MAML2: variants seen among roughly 807,000 people sequenced by gnomAD.
The protein encoded by MAML2 is mastermind-like protein 2.
Under a neutral mutation model 96.1 loss-of-function variants are expected in MAML2, and 22 were observed. That is an observed-to-expected ratio of 0.23 (90% confidence interval 0.16 to 0.33). MAML2 has a LOEUF of 0.33. MAML2 is among the 10% of genes least tolerant of loss of function. The pLI is 1.00. For synonymous variants in MAML2, 561 were observed against 521.3 expected (o/e 1.08, Z -1.04); for missense variants, 1,367 against 1,392.4 (o/e 0.98, Z 0.29).
chr11:96,276,717 G>T (rs189258233), intron 1 of MAML2, among the ~76,000 whole-genome samples: 116 of 143,750 alleles, frequency 8.1e-4, no homozygotes, highest in African/African-American at 2.9e-3. Flanking sequence ...AGTGGCTTGC[G>T]AAAAGGCTAC....
chr11:96,223,821 T>C (rs1048161273), intron 1 of MAML2, among the ~76,000 whole-genome samples: 1 of 152,190 alleles, frequency 6.6e-6, no homozygotes, highest in African/African-American at 2.4e-5. Flanking sequence ...ACAACACAAT[T>C]GGGTTTTTTC....
At chr11:96,018,104 G>A (rs1424503099) in intron 2 of MAML2, among the ~76,000 whole-genome samples, 1 of 152,204 alleles carries the variant, frequency 6.6e-6, no homozygotes, top group Non-Finnish European at 1.5e-5. Context: ...ATTCCACATA[G>A]TCTCTGACGG....
chr11:96,288,735 C>T (rs1863172850), intron 1 of MAML2, among the ~76,000 whole-genome samples: 1 of 152,118 alleles, frequency 6.6e-6, no homozygotes, highest in Non-Finnish European at 1.5e-5. Flanking sequence ...GGCATTCAAA[C>T]ACTTGTGTAT....
chr11:96,158,882 G>A (rs1213541628), intron 1 of MAML2, among the ~76,000 whole-genome samples: 10 of 152,202 alleles, frequency 6.6e-5, no homozygotes, highest in Non-Finnish European at 1.3e-4. Flanking sequence ...ATCTTTGGGA[G>A]AAATGGTAAA....
At chr11:96,080,448 C>T (rs949411304) in intron 2 of MAML2, among the ~76,000 whole-genome samples, 2 of 152,094 alleles carry the variant, frequency 1.3e-5, no homozygotes, top group Non-Finnish European at 2.9e-5. Flanking sequence ...AAAGGTAAGA[C>T]TCAAATTTAA....
At chr11:96,310,369 C>T (rs1222996543) in intron 1 of MAML2, among the ~76,000 whole-genome samples, 2 of 152,110 alleles carry the variant, frequency 1.3e-5, no homozygotes, top group African/African-American at 4.8e-5. Flanking sequence ...ATTTCATCAA[C>T]ATTATTACCT....
At chr11:96,029,768 G>A (rs1341503373) in intron 2 of MAML2, among the ~76,000 whole-genome samples, 1 of 152,112 alleles carries the variant, frequency 6.6e-6, no homozygotes, top group Non-Finnish European at 1.5e-5. Flanking sequence ...ATTTAGTGGT[G>A]AGGTTTCAGG....
At chr11:96,298,808 TGAG>T (rs1161264214) in intron 1 of MAML2, among the ~76,000 whole-genome samples, 1 of 146,976 alleles carries the variant, frequency 6.8e-6, no homozygotes, top group Non-Finnish European at 1.5e-5. Context: ...TTTGGGAGGC[TGAG>T]GAGGGTGGAT....
At chr11:96,101,300 A>G (rs1003660647) in intron 1 of MAML2, among the ~76,000 whole-genome samples, 42 of 152,334 alleles carry the variant, frequency 2.8e-4, no homozygotes, top group Middle Eastern at 3.4e-3. Context: ...TACAGGGCAG[A>G]AAAAAGGCAT....
chr11:96,000,694 A>C (rs965162195), intron 2 of MAML2, among the ~76,000 whole-genome samples: 1 of 152,200 alleles, frequency 6.6e-6, no homozygotes, highest in Non-Finnish European at 1.5e-5. Context: ...GAACTAAAAA[A>C]CAACTTACAG....
rs1862683453 is a variant in MAML2, at chr11:96,257,414, T to C, written c.513+83969A>G. 1.3e-5 allele frequency among the ~76,000 whole-genome samples: 2 copies of C among 152,258 alleles called. 1 individual carries two copies. Among genetic ancestry groups the C allele is most frequent in the South Asian group, 4.1e-4 (2 of 4,836 alleles). ...CTGAGCACAGTGCTGGCACAGAATA[T>C]GAACTCACTATATCTTGTTACTATA... On this transcript the variant is annotated intron_variant, in intron 1 of 4. Transcript: ENST00000524717.
chr11:96,023,412 C>T (rs926134031), intron 2 of MAML2, among the ~76,000 whole-genome samples: 1 of 152,182 alleles, frequency 6.6e-6, no homozygotes, highest in Non-Finnish European at 1.5e-5. Flanking sequence ...GCCTTACCGC[C>T]TCGCTTTTCA....
intron 1 of MAML2, among the ~76,000 whole-genome samples, chr11:96,248,019 C>T (rs957352587): frequency 9.2e-5 from 14 of 151,778 alleles, no homozygotes; most frequent in African/African-American, 2.9e-4. Context: ...TAAATTTTCC[C>T]ATTAATGGTT....
chr11:96,080,485 A>G (rs577621746), intron 2 of MAML2, among the ~76,000 whole-genome samples: 1 of 152,348 alleles, frequency 6.6e-6, no homozygotes, highest in African/African-American at 2.4e-5. Flanking sequence ...TGCATTTTGG[A>G]ATCATAAAAT....
At chr11:96,171,703 C>G (rs1861300392) in intron 1 of MAML2, among the ~76,000 whole-genome samples, 2 of 152,318 alleles carry the variant, frequency 1.3e-5, no homozygotes, top group East Asian at 3.9e-4. Flanking sequence ...CAAATCAGAG[C>G]TGGAGACAGG....
intron 2 of MAML2, among the ~76,000 whole-genome samples, chr11:96,052,202 G>A (rs1376868921): frequency 6.6e-6 from 1 of 152,106 alleles, no homozygotes; most frequent in Non-Finnish European, 1.5e-5. Flanking sequence ...TTAAGTGCTT[G>A]TTGGGTGAAC....
intron 1 of MAML2, among the ~76,000 whole-genome samples, chr11:96,155,869 T>G (rs1467196488): frequency 6.6e-6 from 1 of 151,952 alleles, no homozygotes; most frequent in Non-Finnish European, 1.5e-5. Context: ...GGGACGTAAC[T>G]GCAATGTGGC....
Position 96,341,819 on chromosome 11 carries a change from C to T in MAML2, c.77G>A (p.Gly26Asp), listed in dbSNP as rs200971316. The change falls in exon 1 of 5, where the codon GGC becomes GAC. Residue 26 changes from glycine (G) to aspartate (D), a missense_variant. Coordinates refer to ENST00000524717, the MANE Select transcript of MAML2 (RefSeq NM_032427.4). ...ACTGTGCACTCTCGGGGTGACTGAGCCCCCTCCAAGGAGCCCCGCCCCAGA... is the reference window on the plus strand; with the variant it reads ...ACTGTGCACTCTCGGGGTGACTGAGTCCCCTCCAAGGAGCCCCGCCCCAGA... ...GASGAGLLGG[G>D]SVTPRVHSAI... 6.3e-7 allele frequency: 1 copy of T among 1,593,752 alleles called. No homozygotes were observed. Among genetic ancestry groups the T allele is most frequent in the East Asian group, 2.3e-5 (1 of 44,160 alleles).
chr11:96,250,109 T>G (rs180994986), intron 1 of MAML2, among the ~76,000 whole-genome samples: 10 of 152,310 alleles, frequency 6.6e-5, no homozygotes, highest in Admixed American at 2.0e-4. Context: ...AGGCCCGCTC[T>G]GCATGAAATT....
Sources: allele counts gnomAD v4.1 joint callset (sites outside exome capture counted in the v4.1 genomes callset), GRCh38; gene constraint gnomAD v4.1.1; transcripts MANE v1.5; gene names NCBI Gene and HGNC (gene_info 2026-07-23, HGNC 2026-07-21).